The following DCBLD2 variants were observed in gnomAD, a reference collection of about 807,000 sequenced individuals.
The protein encoded by DCBLD2 is discoidin, CUB and LCCL domain containing 2.
A neutral mutation model predicts 86.8 loss-of-function variants in DCBLD2; 54 were observed. That is an observed-to-expected ratio of 0.62 (90% CI 0.50 to 0.78). The LOEUF (loss-of-function observed/expected upper bound fraction) is 0.78, where lower values mean the gene tolerates loss of function less well. Ranked by LOEUF, DCBLD2 falls within the 30% of genes least tolerant of loss-of-function variation. The pLI, the probability that DCBLD2 is intolerant of heterozygous loss-of-function variation, is 0.00. For synonymous variants in DCBLD2, 354 were observed against 341.3 expected (o/e 1.04, Z -0.41); for missense variants, 908 against 954.2 (o/e 0.95, Z 0.64).
chr3:98,896,178 G>C lies in DCBLD2; in HGVS notation c.205+4944C>G, dbSNP rs571975209. Among the ~76,000 whole-genome samples, 88 of 152,308 alleles carry C rather than the reference G, an allele frequency of 5.8e-4. 3 individuals carry two copies. Among genetic ancestry groups the C allele is most frequent in the South Asian group, 2.1e-3 (10 of 4,808 alleles). On this transcript the variant is annotated intron_variant, in intron 1 of 15. Transcript: ENST00000326840. The stretch of plus-strand genomic sequence containing the variant: ...GTGAATGATGTTTTAGTAGCCCTTG[G>C]AAATCATGAGTATCTCATCAGCTTC...
chr3:98,846,015 A>C lies in DCBLD2; in HGVS notation c.571+3446T>G, dbSNP rs1244135220. ...ATAGTTGCAATGAAGTAATCGTTTA[A>C]TATCTTTTTCCAACCCTATACTGCA... On this transcript the variant is annotated intron_variant, in intron 3 of 15. Transcript: ENST00000326840. Among the ~76,000 whole-genome samples, 6 of 152,306 alleles carry C rather than the reference A, an allele frequency of 3.9e-5. No homozygotes were observed. The Middle Eastern group carries it at 0.014, about 345-fold the overall frequency.
chr3:98,893,237 C>A (rs1373432378), intron 1 of DCBLD2, among the ~76,000 whole-genome samples: 1 of 151,970 alleles, frequency 6.6e-6, no homozygotes, highest in African/African-American at 2.4e-5. Context: ...AATCCCAGCC[C>A]TCGTTACAGT....
intron 1 of DCBLD2, among the ~76,000 whole-genome samples, chr3:98,900,080 T>G (rs1023872720): frequency 7.2e-5 from 11 of 152,206 alleles, no homozygotes; most frequent in African/African-American, 2.7e-4. Flanking sequence ...GCCAAATACA[T>G]TTTTTCCTTA....
At chr3:98,889,651 C>T (rs1943624670) in intron 1 of DCBLD2, among the ~76,000 whole-genome samples, 1 of 151,938 alleles carries the variant, frequency 6.6e-6, no homozygotes. Flanking sequence ...GCTTTGTTGG[C>T]CATTAATCAG....
At chr3:98,870,781 GAAA>G (rs1943261755) in intron 2 of DCBLD2, among the ~76,000 whole-genome samples, 3 of 150,312 alleles carry the variant, frequency 2.0e-5, no homozygotes, top group Middle Eastern at 3.4e-3. Flanking sequence ...AAGAAAGAAA[GAAA>G]GAAAGAAAGA....
intron 9 of DCBLD2, among the ~76,000 whole-genome samples, chr3:98,816,462 G>A (rs1462234735): frequency 1.3e-5 from 2 of 152,152 alleles, no homozygotes; most frequent in Non-Finnish European, 2.9e-5. Flanking sequence ...GATGTGGCAG[G>A]AGTAAAGAGT....
At chr3:98,856,028 G>T (rs994149813) in intron 2 of DCBLD2, among the ~76,000 whole-genome samples, 3 of 152,178 alleles carry the variant, frequency 2.0e-5, no homozygotes, top group African/African-American at 7.2e-5. Context: ...ATAATAATGT[G>T]AAGACTTCAG....
At chr3:98,849,748 T>TTAA in intron 2 of DCBLD2, 150 bp from the exon 3 acceptor site, 2 of 915,544 alleles carry the variant, frequency 2.2e-6, no homozygotes, top group Non-Finnish European at 3.2e-6. Flanking sequence ...TTACCAATCA[T>TTAA]ATTGCTCTGG....
At chr3:98,815,778 ATTAACAGAT>A (rs1258185490) in intron 9 of DCBLD2, 1 of 152,182 alleles carries the variant, frequency 6.6e-6, no homozygotes, top group African/African-American at 2.4e-5. Flanking sequence ...ATTGGATGGG[ATTAACAGAT>A]TAGACATTTC....
At chr3:98,880,281 A>G (rs1205826610) in intron 2 of DCBLD2, among the ~76,000 whole-genome samples, 1 of 152,246 alleles carries the variant, frequency 6.6e-6, no homozygotes, top group East Asian at 1.9e-4. Flanking sequence ...TGAACATAGT[A>G]TGGTATTTAA....
In DCBLD2 at chr3:98,839,493, A is replaced by G. The variant is rs577156537; in HGVS notation, c.571+9968T>C. ...TGTATGGTGTGTGAATTATAACTTA[A>G]TAAGACTGTTATAAAATAAAAAGAA... On this transcript the variant is annotated intron_variant, in intron 3 of 15. Transcript: ENST00000326840. Among the ~76,000 whole-genome samples, 8 of 152,312 alleles carry G rather than the reference A, an allele frequency of 5.3e-5. No individual in the cohort carries two copies. In the South Asian group the frequency reaches 1.2e-3, roughly 24 times the overall value.
chr3:98,822,955 A>C (rs828619), intron 4 of DCBLD2, among the ~76,000 whole-genome samples: 148,005 of 152,318 alleles, frequency 0.97, 72,067 homozygotes, highest in East Asian at 1. Flanking sequence ...TCACTGCAAC[A>C]TCTGTCTCCT....
intron 3 of DCBLD2, among the ~76,000 whole-genome samples, chr3:98,844,062 A>C (rs181316922): frequency 6.9e-6 from 1 of 144,016 alleles, no homozygotes; most frequent in Non-Finnish European, 1.5e-5. Flanking sequence ...ACACACACAC[A>C]CCCCAATTAT....
intron 1 of DCBLD2, among the ~76,000 whole-genome samples, chr3:98,894,295 T>C (rs980713344): frequency 6.6e-6 from 1 of 152,092 alleles, no homozygotes; most frequent in Non-Finnish European, 1.5e-5. Context: ...ACCAGATTAG[T>C]GAAGCTACCT....
chr3:98,876,381 A>C (rs920179952), intron 2 of DCBLD2, among the ~76,000 whole-genome samples: 1 of 143,590 alleles, frequency 7.0e-6, no homozygotes, highest in Middle Eastern at 3.6e-3. Context: ...CTTGACAGAA[A>C]AACGGGCAAA....
chr3:98,870,806 A>AAGG (rs1943266871), intron 2 of DCBLD2, among the ~76,000 whole-genome samples: 2 of 123,300 alleles, frequency 1.6e-5, no homozygotes, highest in African/African-American at 3.1e-5. Flanking sequence ...AGAAAGAAAG[A>AAGG]AAGAAAGGTA....
chr3:98,812,276 A>T, intron 10 of DCBLD2, 56 bp downstream of exon 10: 4 of 1,598,972 alleles, frequency 2.5e-6, no homozygotes, highest in Non-Finnish European at 2.6e-6. Flanking sequence ...GAACAGCAAA[A>T]CCATTTTAAA....
chr3:98,845,100 A>G (rs1460313792), intron 3 of DCBLD2, among the ~76,000 whole-genome samples: 1 of 152,180 alleles, frequency 6.6e-6, no homozygotes, highest in East Asian at 1.9e-4. Context: ...AAATTGCTTG[A>G]GGAAATGGGA....
At position 98,796,401 on chromosome 3, in the gene DCBLD2, C is replaced by T. The variant is rs1941598235; in HGVS notation, c.*2971G>A. 1 of 152,624 alleles carries T rather than the reference C, an allele frequency of 6.6e-6. No individual in the cohort carries two copies. The highest frequency in any genetic ancestry group is 1.5e-5 in the Non-Finnish European group (1 of 68,036). 9.5% of individuals were successfully genotyped at this position (152,624 alleles called of 1,614,324 possible). A position where few individuals can be genotyped will look rare whatever the true frequency, so the allele number is the denominator to read the frequency against. Reference sequence around the variant, plus strand: ...AGTTCAGAACCAAAAAGCAGAGAATCGTTTCATGTGACATGATGTTTCTAT... The same window carrying T: ...AGTTCAGAACCAAAAAGCAGAGAATTGTTTCATGTGACATGATGTTTCTAT... On this transcript the variant is annotated 3_prime_UTR_variant, in exon 16 of 16. Transcript: ENST00000326840.
Sources: gnomAD v4.1 joint callset for allele counts (sites outside exome capture counted in the v4.1 genomes callset) on GRCh38, gnomAD v4.1.1 for gene constraint, MANE v1.5 for transcripts, NCBI Gene and HGNC (gene_info 2026-07-23, HGNC 2026-07-21) for gene names.